The following PDE1A variants were observed in gnomAD, a reference collection of about 807,000 sequenced individuals.
PDE1A encodes phosphodiesterase 1A.
PDE1A carries 35 observed loss-of-function variants against 61.7 expected under a neutral mutation model. The observed-to-expected ratio is 0.57, with a 90% CI of 0.43 to 0.75. PDE1A has a LOEUF of 0.75. Among genes scored for constraint, PDE1A ranks in the 30% least tolerant of loss-of-function variants. The pLI is 0.00. For synonymous variants in PDE1A, 232 were observed against 213.2 expected (o/e 1.09, Z -0.77); for missense variants, 597 against 630.6 (o/e 0.95, Z 0.57).
intron 1 of PDE1A, among the ~76,000 whole-genome samples, chr2:182,423,445 G>C (rs147578258): frequency 6.6e-6 from 1 of 152,082 alleles, no homozygotes; most frequent in African/African-American, 2.4e-5. Context: ...AAATTTCAAC[G>C]TTCACCATCT....
intron 2 of PDE1A, among the ~76,000 whole-genome samples, chr2:182,465,031 A>G (rs1686562757): frequency 6.6e-6 from 1 of 152,142 alleles, no homozygotes; most frequent in Admixed American, 6.6e-5. Flanking sequence ...TATTAAAAGT[A>G]TGTTTTTCTA....
In PDE1A at chr2:182,386,200, T is replaced by G. The variant is rs1013496779; in HGVS notation, c.53+40378A>C. On this transcript the variant is annotated intron_variant, in intron 1 of 13. Coordinates refer to ENST00000351439, the Ensembl canonical transcript of PDE1A. Reference sequence around the variant, plus strand: ...GGCGTGATCTTGGCTAGCTACAACCTCCACCTCCCAGCCGCCTGCCTTGGC... The same window carrying G: ...GGCGTGATCTTGGCTAGCTACAACCGCCACCTCCCAGCCGCCTGCCTTGGC... Among the ~76,000 whole-genome samples the G allele has an allele frequency of 2.6e-5, 4 of 152,184 alleles. No individual in the cohort carries two copies. In the East Asian group the frequency reaches 7.8e-4, roughly 30 times the overall value.
At chr2:182,606,420 C>A in the PDE1A span, among the ~76,000 whole-genome samples, 1 of 152,144 alleles carries the variant, frequency 6.6e-6, no homozygotes, top group Non-Finnish European at 1.5e-5. Flanking sequence ...CCTTGTAATC[C>A]ACCCGCCCTG....
intron 1 of PDE1A, among the ~76,000 whole-genome samples, chr2:182,400,259 T>C (rs1416097885): frequency 6.6e-6 from 1 of 152,202 alleles, no homozygotes; most frequent in African/African-American, 2.4e-5. Flanking sequence ...CTGAGCAAAC[T>C]GAATTAAAAT....
chr2:182,648,292 G>A, the PDE1A span, among the ~76,000 whole-genome samples: 1 of 151,952 alleles, frequency 6.6e-6, no homozygotes, highest in South Asian at 2.1e-4. Context: ...TCCAGTTGTT[G>A]GAGTCAGAAT....
chr2:182,349,035 G>T lies in PDE1A; in HGVS notation c.53+77543C>A, dbSNP rs548341773. ...GGCATCTCCAATAAGGATCTAGGTA[G>T]AATAAAATGTCATTGCTATAGTGAT... On this transcript the variant is annotated intron_variant, in intron 1 of 13. Coordinates refer to ENST00000351439, the Ensembl canonical transcript of PDE1A. Among the ~76,000 whole-genome samples the T allele has an allele frequency of 5.9e-5, 9 of 152,232 alleles. No homozygotes were observed. The South Asian group carries it at 1.9e-3, about 32-fold the overall frequency.
chr2:182,186,296 A>AC, intron 12 of PDE1A, among the ~76,000 whole-genome samples, 172 bp downstream of exon 12: 1 of 152,178 alleles, frequency 6.6e-6, no homozygotes, highest in Admixed American at 6.5e-5. Flanking sequence ...TTTGTGTATT[A>AC]AACTTCAGTT....
intron 13 of PDE1A, among the ~76,000 whole-genome samples, chr2:182,174,685 T>G (rs1052563416): frequency 6.6e-6 from 1 of 152,120 alleles, no homozygotes; most frequent in East Asian, 1.9e-4. Context: ...ACCTTAAGAT[T>G]GTCCTACACG....
the PDE1A span, among the ~76,000 whole-genome samples, chr2:182,532,560 T>A: frequency 6.6e-6 from 1 of 152,186 alleles, no homozygotes; most frequent in Non-Finnish European, 1.5e-5. Context: ...GACATAAGGA[T>A]CTTACTGGGG....
In PDE1A at chr2:182,289,806, G is replaced by C. The variant is rs557074428; in HGVS notation, c.54-25392C>G. ...CTCCTAACCTACGAGTTACTTTTTT[G>C]ATGTTTTAAATCAATGTAAATAAAA... On this transcript the variant is annotated intron_variant, in intron 1 of 13. Transcript: ENST00000351439. Among the ~76,000 whole-genome samples the C allele has an allele frequency of 3.3e-5, 5 of 151,798 alleles. No individual in the cohort carries two copies. In the South Asian group the frequency reaches 8.3e-4, roughly 25 times the overall value.
At chr2:182,459,165 G>A (rs1686114318) in intron 2 of PDE1A, among the ~76,000 whole-genome samples, 1 of 152,008 alleles carries the variant, frequency 6.6e-6, no homozygotes, top group Non-Finnish European at 1.5e-5. Flanking sequence ...TCAACAAACA[G>A]GTAGAGGGTT....
chr2:182,437,048 C>G (rs765496213), intron 2 of PDE1A, among the ~76,000 whole-genome samples: 8 of 151,930 alleles, frequency 5.3e-5, no homozygotes, highest in Non-Finnish European at 1.0e-4. Flanking sequence ...GGGTCAATCT[C>G]ACAATACAAG....
At chr2:182,330,125 C>G (rs1697307875) in intron 1 of PDE1A, among the ~76,000 whole-genome samples, 1 of 151,934 alleles carries the variant, frequency 6.6e-6, no homozygotes, top group Admixed American at 6.6e-5. Flanking sequence ...GGGTGGATCA[C>G]CTGAGGTCAG....
the PDE1A span, among the ~76,000 whole-genome samples, chr2:182,681,887 C>G: frequency 6.6e-6 from 1 of 152,110 alleles, no homozygotes; most frequent in Non-Finnish European, 1.5e-5. Flanking sequence ...ACCTCGTGAT[C>G]CGCTCACCTC....
chr2:182,658,832 C>T, the PDE1A span, among the ~76,000 whole-genome samples: 3 of 152,130 alleles, frequency 2.0e-5, no homozygotes, highest in African/African-American at 7.2e-5. Context: ...TCTTTGTATG[C>T]ATACAAGTGC....
At chr2:182,266,393 G>C (rs994595588) in intron 1 of PDE1A, among the ~76,000 whole-genome samples, 1 of 152,086 alleles carries the variant, frequency 6.6e-6, no homozygotes, top group Non-Finnish European at 1.5e-5. Context: ...TAGTCAAACT[G>C]TCCTTTATTT....
chr2:182,662,907 G>A, the PDE1A span, among the ~76,000 whole-genome samples: 10 of 152,130 alleles, frequency 6.6e-5, no homozygotes, highest in African/African-American at 2.4e-4. Flanking sequence ...TAGAGAATGG[G>A]AGAAAAATTT....
chr2:182,466,886 C>G (rs894272686), intron 2 of PDE1A, among the ~76,000 whole-genome samples: 3 of 151,968 alleles, frequency 2.0e-5, no homozygotes, highest in Non-Finnish European at 4.4e-5. Context: ...GAAAAGGCAA[C>G]AGGGCATGGA....
intron 2 of PDE1A, among the ~76,000 whole-genome samples, chr2:182,443,024 T>A (rs758805341): frequency 6.6e-6 from 1 of 151,804 alleles, no homozygotes; most frequent in South Asian, 2.1e-4. Context: ...ACCAAAATAT[T>A]CCCCCTTCAC....
Sources: gnomAD v4.1 joint callset for allele counts (sites outside exome capture counted in the v4.1 genomes callset) on GRCh38, gnomAD v4.1.1 for gene constraint, MANE v1.5 for transcripts, NCBI Gene and HGNC (gene_info 2026-07-23, HGNC 2026-07-21) for gene names.